Variants in CNTNAP2 observed in about 807,000 individuals in gnomAD.
CNTNAP2 encodes the protein contactin-associated protein-like 2.
A neutral mutation model predicts 155.2 loss-of-function variants in CNTNAP2; 98 were observed. The observed-to-expected ratio is 0.63, with a 90% CI of 0.54 to 0.75. CNTNAP2 has a LOEUF of 0.75. Ranked by LOEUF, CNTNAP2 falls within the 30% of genes least tolerant of loss-of-function variation. The pLI is 0.00. For synonymous variants in CNTNAP2, 651 were observed against 631.2 expected, an observed-to-expected ratio of 1.03 and a Z score of -0.47; for missense variants, 1,727 against 1,688.1, an observed-to-expected ratio of 1.02 and a Z score of -0.40.
chr7:147,716,995 T>C (rs902254552), intron 13 of CNTNAP2, among the ~76,000 whole-genome samples: 1 of 152,132 alleles, frequency 6.6e-6, no homozygotes, highest in Non-Finnish European at 1.5e-5. Context: ...GGGAGCTACA[T>C]GCTTGGCAAA....
At chr7:146,738,132 A>T (rs1317369144) in intron 1 of CNTNAP2, among the ~76,000 whole-genome samples, 1 of 152,054 alleles carries the variant, frequency 6.6e-6, no homozygotes, top group Non-Finnish European at 1.5e-5. Context: ...TATTCCCACA[A>T]ATAGTGTGCA....
rs148708795 is a variant in CNTNAP2 at position 146,651,541 on chromosome 7, A to G, written c.98-122730A>G. Among the ~76,000 whole-genome samples, 1,035 of 152,314 alleles carry G rather than the reference A, an allele frequency of 6.8e-3. 11 individuals carry two copies. Among genetic ancestry groups the G allele is most frequent in the African/African-American group, 0.024 (987 of 41,574 alleles). On this transcript the variant is annotated intron_variant, in intron 1 of 23. Transcript: ENST00000361727. ...GGAAAAAACTTGCTCTTGTCTTACA[A>G]TGTTGAACATTGAATTACTAACAAC...
chr7:148,126,647 T>A (rs998940200), intron 16 of CNTNAP2, among the ~76,000 whole-genome samples: 28 of 152,130 alleles, frequency 1.8e-4, no homozygotes, highest in Admixed American at 1.3e-3. Context: ...CCTATGTCAC[T>A]GTTGAGGTCA....
At chr7:147,504,255 G>C (rs1287421363) in intron 11 of CNTNAP2, among the ~76,000 whole-genome samples, 2 of 152,094 alleles carry the variant, frequency 1.3e-5, no homozygotes, top group Non-Finnish European at 2.9e-5. Context: ...AGCTGCTGTG[G>C]GAGTAAGTTC....
intron 4 of CNTNAP2, among the ~76,000 whole-genome samples, chr7:147,063,749 C>T (rs368049738): frequency 3.3e-5 from 5 of 152,018 alleles, no homozygotes; most frequent in East Asian, 3.9e-4. Context: ...AAATCCTTGT[C>T]TAGTCACAGT....
At chr7:146,925,135 T>C (rs953228754) in intron 3 of CNTNAP2, among the ~76,000 whole-genome samples, 6 of 152,124 alleles carry the variant, frequency 3.9e-5, no homozygotes, top group African/African-American at 1.4e-4. Context: ...TAATAATATA[T>C]GCACCCATAT....
chr7:147,249,987 G>A (rs1804158777), intron 8 of CNTNAP2, among the ~76,000 whole-genome samples: 1 of 152,120 alleles, frequency 6.6e-6, no homozygotes, highest in Admixed American at 6.6e-5. Context: ...AGATGTAACT[G>A]ACTATTTGAT....
At chr7:146,905,486 A>G (rs1796101205) in intron 3 of CNTNAP2, among the ~76,000 whole-genome samples, 2 of 152,138 alleles carry the variant, frequency 1.3e-5, no homozygotes, top group Non-Finnish European at 2.9e-5. Context: ...AGAAGTTTGG[A>G]GTAAAATTCT....
intron 12 of CNTNAP2, among the ~76,000 whole-genome samples, chr7:147,570,982 G>C (rs2116807280): frequency 6.6e-6 from 1 of 152,212 alleles, no homozygotes; most frequent in South Asian, 2.1e-4. Context: ...ATTATCTGTG[G>C]TTTGGACAGC....
intron 11 of CNTNAP2, among the ~76,000 whole-genome samples, chr7:147,518,555 T>C (rs1299718890): frequency 2.0e-5 from 3 of 152,136 alleles, no homozygotes; most frequent in Non-Finnish European, 4.4e-5. Context: ...TCAGAAACAT[T>C]TTGTAGCTCT....
intron 12 of CNTNAP2, among the ~76,000 whole-genome samples, chr7:147,581,251 T>A (rs936664508): frequency 2.6e-5 from 4 of 152,200 alleles, no homozygotes; most frequent in African/African-American, 9.7e-5. Context: ...AGATACTGTA[T>A]AAATTTATAA....
chr7:148,133,069 T>G (rs1585143442), intron 16 of CNTNAP2, among the ~76,000 whole-genome samples: 2 of 152,232 alleles, frequency 1.3e-5, no homozygotes, highest in East Asian at 1.9e-4. Context: ...TGTGATAAGG[T>G]CATAAGAGAG....
intron 1 of CNTNAP2, among the ~76,000 whole-genome samples, chr7:146,621,186 T>C (rs763935955): frequency 3.5e-4 from 53 of 152,214 alleles, no homozygotes; most frequent in Admixed American, 7.2e-4. Flanking sequence ...GCCTCATTTT[T>C]AAATAAACAT....
chr7:147,865,255 C>A (rs1334858758), intron 13 of CNTNAP2, among the ~76,000 whole-genome samples: 1 of 152,144 alleles, frequency 6.6e-6, no homozygotes, highest in Non-Finnish European at 1.5e-5. Flanking sequence ...GTTGAACCAG[C>A]CTTGCATCCC....
intron 3 of CNTNAP2, among the ~76,000 whole-genome samples, chr7:147,010,183 T>C (rs942656501): frequency 2.6e-5 from 4 of 151,940 alleles, no homozygotes; most frequent in Admixed American, 2.0e-4. Flanking sequence ...CTGATTTTTG[T>C]ATTTTTAATA....
rs1801096695 is a variant in CNTNAP2 at position 147,120,874 on chromosome 7, T to C, written c.755-105T>C. The C allele has an allele frequency of 8.7e-6, 9 of 1,037,476 alleles. No individual in the cohort carries two copies. In the South Asian group the frequency reaches 1.2e-4, roughly 13 times the overall value. 64.3% of individuals were successfully genotyped at this position (1,037,476 alleles called of 1,614,324 possible). On this transcript the variant is annotated intron_variant, in intron 5 of 23. Coordinates refer to ENST00000361727, the MANE Select transcript of CNTNAP2 (RefSeq NM_014141.6). Reference sequence around the variant, plus strand: ...CAGGTTAACTCGAATGGATAGAGCTTTGATGGAATGTCAGCCTCTAGGTGC... The same window carrying C: ...CAGGTTAACTCGAATGGATAGAGCTCTGATGGAATGTCAGCCTCTAGGTGC...
intron 14 of CNTNAP2, among the ~76,000 whole-genome samples, chr7:147,913,991 T>C (rs182672471): frequency 6.6e-6 from 1 of 152,070 alleles, no homozygotes; most frequent in East Asian, 1.9e-4. Flanking sequence ...CTTCACCATA[T>C]GGCATGTACC....
intron 9 of CNTNAP2, among the ~76,000 whole-genome samples, chr7:147,330,790 C>A (rs1359941285): frequency 6.6e-6 from 1 of 152,088 alleles, no homozygotes; most frequent in Non-Finnish European, 1.5e-5. Flanking sequence ...CATTTGGTGT[C>A]AGAAATGCTG....
In CNTNAP2 at chr7:146,587,919, C is replaced by A. The variant is rs577962350; in HGVS notation, c.98-186352C>A. Among the ~76,000 whole-genome samples the A allele has an allele frequency of 4.6e-5, 7 of 152,064 alleles. No individual in the cohort carries two copies. In the South Asian group the frequency reaches 1.5e-3, roughly 32 times the overall value. The stretch of plus-strand genomic sequence containing the variant: ...GAACTCCTGACCTCAGGTGATCTGC[C>A]CACCTCAGCCTCCTAAAGTGCTGGG... On this transcript the variant is annotated intron_variant, in intron 1 of 23. Coordinates refer to ENST00000361727, the MANE Select transcript of CNTNAP2 (RefSeq NM_014141.6).
Sources: gnomAD v4.1 joint callset for allele counts (sites outside exome capture counted in the v4.1 genomes callset) on GRCh38, gnomAD v4.1.1 for gene constraint, MANE v1.5 for transcripts, NCBI Gene and HGNC (gene_info 2026-07-23, HGNC 2026-07-21) for gene names.